Variants in RALB observed in about 807,000 individuals in gnomAD.
RALB encodes ras-related protein Ral-B.
Under a neutral mutation model 21.3 loss-of-function variants are expected in RALB, and 16 were observed. That is an observed-to-expected ratio of 0.75 (90% CI 0.51 to 1.14). The LOEUF is 1.14. Ranked by LOEUF, RALB falls within the 50% of genes most tolerant of loss-of-function variation. The pLI, the probability that RALB is intolerant of heterozygous loss-of-function variation, is 0.00. For synonymous variants in RALB, 93 were observed against 96.1 expected (o/e 0.97, Z 0.19); for missense variants, 161 against 256.2 (o/e 0.63, Z 2.54).
intron 1 of RALB, among the ~76,000 whole-genome samples, chr2:120,255,457 G>A (rs1379736858): frequency 6.6e-6 from 1 of 152,148 alleles, no homozygotes; most frequent in African/African-American, 2.4e-5. Flanking sequence ...TAAATATGTG[G>A]CCTTGGAGAT....
rs1690352361 is a variant in RALB, at chr2:120,293,404, T to C, written c.*144T>C. The C allele has an allele frequency of 1.2e-6, 1 of 863,284 alleles. No individual in the cohort carries two copies. The highest frequency in any genetic ancestry group is 1.8e-5 in the African/African-American group (1 of 56,312). The allele number at this position is 863,284 out of a possible 1,614,324, so 53.5% of individuals were successfully genotyped here. ...AACTTCTTTAAATGGGGAAAAATAT[T>C]TGTGACTCTGTGGCTGGCAGAAGAA... On this transcript the variant is annotated 3_prime_UTR_variant, in exon 5 of 5. Transcript: ENST00000272519.
In RALB at chr2:120,278,607, G is replaced by A. The variant is rs1024006448; in HGVS notation, c.-47-11G>A. On this transcript the variant is annotated splice_polypyrimidine_tract_variant and intron_variant, in intron 1 of 4. Transcript: ENST00000272519. ...AAATCGCCTCTAAGTCTTTGTCTTTGTCATCAGCAGCTCTTCAGTGGGTCA... is the reference window on the plus strand; with the variant it reads ...AAATCGCCTCTAAGTCTTTGTCTTTATCATCAGCAGCTCTTCAGTGGGTCA... The A allele has an allele frequency of 6.8e-7, 1 of 1,465,798 alleles. No individual in the cohort carries two copies. 90.8% of individuals were successfully genotyped at this position (1,465,798 alleles called of 1,614,324 possible).
At chr2:120,283,361 C>T (rs1690044630) in intron 2 of RALB, among the ~76,000 whole-genome samples, 1 of 152,188 alleles carries the variant, frequency 6.6e-6, no homozygotes, top group African/African-American at 2.4e-5. Context: ...TCCGATGTGG[C>T]CCAGGGAAGC....
intron 1 of RALB, among the ~76,000 whole-genome samples, chr2:120,254,227 T>A (rs115227300): frequency 5.0e-4 from 76 of 152,292 alleles, no homozygotes; most frequent in African/African-American, 1.8e-3. Context: ...AGTCAGCAAC[T>A]GTAGAAGGGT....
chr2:120,291,401 A>G (rs979716481), intron 4 of RALB, among the ~76,000 whole-genome samples: 1 of 152,126 alleles, frequency 6.6e-6, no homozygotes, highest in Non-Finnish European at 1.5e-5. Context: ...AGCTGTGGAA[A>G]CCACACAGGA....
At chr2:120,265,291 A>T (rs191366878) in intron 1 of RALB, among the ~76,000 whole-genome samples, 2 of 152,204 alleles carry the variant, frequency 1.3e-5, no homozygotes, top group African/African-American at 4.8e-5. Context: ...TGTACCGAAT[A>T]CCGTGGGCAG....
chr2:120,255,330 G>A (rs1689173983), intron 1 of RALB, among the ~76,000 whole-genome samples: 1 of 152,012 alleles, frequency 6.6e-6, no homozygotes, highest in African/African-American at 2.4e-5. Context: ...GCCGAGCACA[G>A]AGGAAAAGGA....
At chr2:120,269,866 A>T (rs1204203638) in intron 1 of RALB, among the ~76,000 whole-genome samples, 1 of 152,200 alleles carries the variant, frequency 6.6e-6, no homozygotes, top group East Asian at 1.9e-4. Flanking sequence ...CATTCATATA[A>T]TTCTTTTAGT....
At chr2:120,280,732 T>C in intron 2 of RALB, 2 of 269,460 alleles carry the variant, frequency 7.4e-6, no homozygotes, top group South Asian at 3.3e-5. Context: ...AAAAAACTCA[T>C]GTAGTTGTGA....
chr2:120,260,364 G>C (rs115373209), intron 1 of RALB, among the ~76,000 whole-genome samples: 21 of 152,402 alleles, frequency 1.4e-4, no homozygotes, highest in African/African-American at 4.8e-4. Flanking sequence ...TGAAGGAGCA[G>C]ATTTTAAGAG....
intron 1 of RALB, chr2:120,240,240 T>C (rs1408404124): frequency 9.9e-7 from 1 of 1,014,870 alleles, no homozygotes; most frequent in Non-Finnish European, 1.3e-6. Context: ...CAGACTTGCC[T>C]GGGGTCACAC....
At chr2:120,253,768 A>T (rs1689122905) in intron 1 of RALB, 1 of 959,552 alleles carries the variant, frequency 1.0e-6, no homozygotes, top group East Asian at 1.1e-4. Flanking sequence ...TGCCTGGCGG[A>T]CTGAATGAAT....
In RALB at chr2:120,281,529, A is replaced by C. The variant is rs887795371; in HGVS notation, c.114+2751A>C. 3.3e-5 allele frequency among the ~76,000 whole-genome samples: 5 copies of C among 152,208 alleles called. No homozygotes were observed. The East Asian group carries it at 7.7e-4, about 23-fold the overall frequency. On this transcript the variant is annotated intron_variant, in intron 2 of 4. Coordinates refer to ENST00000272519, the MANE Select transcript of RALB (RefSeq NM_002881.3). ...TGTATCTTAAGGAAGGGCCCCCATA[A>C]TGAATAAGCTTCAAACCCAAACCTG... is the stretch of plus-strand genomic sequence containing the variant.
At chr2:120,241,535 G>A (rs891802531) in intron 1 of RALB, among the ~76,000 whole-genome samples, 10 of 152,178 alleles carry the variant, frequency 6.6e-5, no homozygotes. Flanking sequence ...AGACCAGCCT[G>A]GCCAACATGG....
chr2:120,265,797 T>C (rs999471977), intron 1 of RALB, among the ~76,000 whole-genome samples: 4 of 152,264 alleles, frequency 2.6e-5, no homozygotes, highest in Non-Finnish European at 5.9e-5. Flanking sequence ...GAAGTAGTAG[T>C]AGAATCTGTT....
rs561016462 is a variant in RALB at position 120,273,576 on chromosome 2, C to T, written c.-47-5042C>T. Among the ~76,000 whole-genome samples the T allele has an allele frequency of 3.9e-5, 6 of 152,274 alleles. No individual in the cohort carries two copies. The South Asian group carries it at 8.3e-4, about 21-fold the overall frequency. ...CTAGTTTTATAAAGGCCGTTTCAGT[C>T]CCTGAACAAGGAAAGGATCAATTTT... On this transcript the variant is annotated intron_variant, in intron 1 of 4. Coordinates refer to ENST00000272519, the MANE Select transcript of RALB (RefSeq NM_002881.3).
intron 1 of RALB, among the ~76,000 whole-genome samples, chr2:120,269,622 A>G (rs1413000940): frequency 6.6e-6 from 1 of 152,210 alleles, no homozygotes; most frequent in East Asian, 1.9e-4. Context: ...AATCCTAGCT[A>G]CAGAGGACTG....
chr2:120,264,116 T>A (rs1689438829), intron 1 of RALB, among the ~76,000 whole-genome samples: 1 of 151,884 alleles, frequency 6.6e-6, no homozygotes, highest in South Asian at 2.1e-4. Context: ...CCCAAAGTGC[T>A]GAGATTACAA....
upstream of RALB, among the ~76,000 whole-genome samples, chr2:120,250,851 A>G (rs1012341682): frequency 6.6e-6 from 1 of 152,144 alleles, no homozygotes; most frequent in Non-Finnish European, 1.5e-5. Flanking sequence ...AGCCCCGCCA[A>G]AAGGGTCCTG....
Sources: allele counts gnomAD v4.1 joint callset (sites outside exome capture counted in the v4.1 genomes callset), GRCh38; gene constraint gnomAD v4.1.1; transcripts MANE v1.5; gene names NCBI Gene and HGNC (gene_info 2026-07-23, HGNC 2026-07-21).